ADAMTS12: variants seen among roughly 807,000 people sequenced by gnomAD.
The protein encoded by ADAMTS12 is ADAM metallopeptidase with thrombospondin type 1 motif 12.
A neutral mutation model predicts 167.8 loss-of-function variants in ADAMTS12; 118 were observed. The ratio of observed to expected loss-of-function variants is 0.70; its 90% CI spans 0.61 to 0.82. The LOEUF (loss-of-function observed/expected upper bound fraction) is 0.82. Ranked by LOEUF, ADAMTS12 falls within the 40% of genes least tolerant of loss-of-function variation. The probability of loss-of-function intolerance (pLI) is 0.00; values close to 1 mark genes in which losing one functional copy is unlikely to be tolerated. For missense variants in ADAMTS12, 1,916 were observed against 1,998.8 expected, an observed-to-expected ratio of 0.96 and a Z score of 0.79; for synonymous variants, 704 against 716.9, an observed-to-expected ratio of 0.98 and a Z score of 0.29.
intron 2 of ADAMTS12, among the ~76,000 whole-genome samples, chr5:33,872,776 T>C (rs912005002): frequency 6.6e-6 from 1 of 152,182 alleles, no homozygotes; most frequent in African/African-American, 2.4e-5. Context: ...ATCCCAGGTA[T>C]TCAAGGCTAG....
At chr5:33,735,686 A>G (rs115870724) in intron 3 of ADAMTS12, among the ~76,000 whole-genome samples, 1,690 of 152,196 alleles carry the variant, frequency 0.011, 31 homozygotes, top group African/African-American at 0.039. Flanking sequence ...CAGCTACCTA[A>G]TGGCCTAATC....
Position 33,857,592 on chromosome 5 carries a change from GAAA to G in ADAMTS12, c.489+23524_489+23526del, listed in dbSNP as rs201706985. ...ATTATACATCAGTAAGGCTGGAAAA[GAAA>G]AAAAACTGAAGCTCCAAAGCAAAGG... On this transcript the variant is annotated intron_variant, in intron 2 of 23. Coordinates refer to ENST00000504830, the MANE Select transcript of ADAMTS12 (RefSeq NM_030955.4). 4.5e-3 allele frequency among the ~76,000 whole-genome samples: 688 copies of G among 151,802 alleles called. 5 individuals are homozygous for G. Among genetic ancestry groups the G allele is most frequent in the African/African-American group, 0.016 (660 of 41,412 alleles).
At chr5:33,563,035 AAAGAG>A (rs1184408949) in intron 19 of ADAMTS12, among the ~76,000 whole-genome samples, 1 of 152,222 alleles carries the variant, frequency 6.6e-6, no homozygotes, top group African/African-American at 2.4e-5. Flanking sequence ...TAGATCACAG[AAAGAG>A]AAAAGTAGAA....
intron 3 of ADAMTS12, among the ~76,000 whole-genome samples, chr5:33,699,447 G>T (rs957620176): frequency 6.6e-6 from 1 of 151,702 alleles, no homozygotes; most frequent in African/African-American, 2.4e-5. Context: ...ACCATAAAAC[G>T]TAAAATTATA....
chr5:33,689,367 ATC>A (rs1742466240), intron 3 of ADAMTS12, among the ~76,000 whole-genome samples: 1 of 136,366 alleles, frequency 7.3e-6, no homozygotes, highest in Admixed American at 7.3e-5. Context: ...TTCTGGGATC[ATC>A]TGCCTAATAA....
chr5:33,884,414 G>A (rs536793324), intron 1 of ADAMTS12, among the ~76,000 whole-genome samples: 18 of 152,286 alleles, frequency 1.2e-4, no homozygotes, highest in African/African-American at 2.9e-4. Context: ...TCCTGGCCGT[G>A]CTTTTGGTCA....
chr5:33,731,398 A>G (rs11948306), intron 3 of ADAMTS12, among the ~76,000 whole-genome samples: 78,025 of 152,060 alleles, frequency 0.51, 22,569 homozygotes, highest in Non-Finnish European at 0.66. Flanking sequence ...GACGACAGCC[A>G]TGTACACAGC....
intron 22 of ADAMTS12, among the ~76,000 whole-genome samples, chr5:33,536,735 C>T (rs376904528): frequency 1.3e-5 from 2 of 152,188 alleles, no homozygotes; most frequent in African/African-American, 4.8e-5. Context: ...CCCAAGTCCA[C>T]CCCCGATAGA....
At chr5:33,676,707 C>CACAGAGAGAG (rs879440613) in intron 5 of ADAMTS12, among the ~76,000 whole-genome samples, 111 of 149,114 alleles carry the variant, frequency 7.4e-4, no homozygotes, top group African/African-American at 2.7e-3. Context: ...CACACACACA[C>CACAGAGAGAG]AGAGAGAGAG....
At chr5:33,615,427 C>T (rs1738954650) in intron 15 of ADAMTS12, among the ~76,000 whole-genome samples, 1 of 152,168 alleles carries the variant, frequency 6.6e-6, no homozygotes, top group African/African-American at 2.4e-5. Flanking sequence ...ATTCTAACTC[C>T]TCCTTCCAGC....
intron 2 of ADAMTS12, among the ~76,000 whole-genome samples, chr5:33,783,572 A>G (rs1746221081): frequency 6.6e-6 from 1 of 151,928 alleles, no homozygotes; most frequent in Non-Finnish European, 1.5e-5. Context: ...AGAAATTAAA[A>G]GAATTATAAG....
chr5:33,713,141 T>G (rs1743464660), intron 3 of ADAMTS12, among the ~76,000 whole-genome samples: 1 of 152,158 alleles, frequency 6.6e-6, no homozygotes, highest in Non-Finnish European at 1.5e-5. Context: ...TTCTTAGAGT[T>G]TGGTTCATAA....
intron 18 of ADAMTS12, among the ~76,000 whole-genome samples, chr5:33,585,059 A>ATCCATCCATCCATCCATCCATCCC (rs1747273188): frequency 1.3e-5 from 2 of 152,002 alleles, no homozygotes; most frequent in Non-Finnish European, 1.5e-5. Flanking sequence ...CCATCCATCC[A>ATCCATCCATCCATCCATCCATCCC]TCCATCCATC....
rs1280889982 is a variant in ADAMTS12, at chr5:33,549,355, T to C, written c.4154A>G (p.Lys1385Arg). The change falls in exon 21 of 24, where the codon AAG becomes AGG. Residue 1385 changes from lysine to arginine, a missense_variant. Transcript: ENST00000504830. Reference protein sequence around the residue: ...KCSRNCSGGFKIREIQCVDSR... With the variant: ...KCSRNCSGGFRIREIQCVDSR... ...GTCCACGCACTGAATCTCGCGTATC[T>C]TGAAGCCCCCACTGCAGTTTCTGGA... 1 of 1,613,986 alleles carries C rather than the reference T, an allele frequency of 6.2e-7. No homozygotes were observed. The highest frequency in any genetic ancestry group is 1.7e-5 in the Admixed American group (1 of 60,028).
chr5:33,793,295 A>T (rs1345044350), intron 2 of ADAMTS12, among the ~76,000 whole-genome samples: 1 of 152,238 alleles, frequency 6.6e-6, no homozygotes. Context: ...AACACTTAAA[A>T]TCATGGGTGA....
intron 2 of ADAMTS12, among the ~76,000 whole-genome samples, chr5:33,755,015 A>G (rs974698393): frequency 3.0e-4 from 46 of 152,334 alleles, no homozygotes; most frequent in African/African-American, 1.0e-3. Flanking sequence ...TTATAAAAAG[A>G]ACACCTAGAT....
At chr5:33,649,169 T>C (rs1740786011) in intron 8 of ADAMTS12, among the ~76,000 whole-genome samples, 2 of 152,212 alleles carry the variant, frequency 1.3e-5, no homozygotes, top group Admixed American at 1.3e-4. Flanking sequence ...GCTTAGTTTA[T>C]CTAGAAAATA....
intron 2 of ADAMTS12, among the ~76,000 whole-genome samples, chr5:33,845,331 G>C (rs1366479649): frequency 6.6e-6 from 1 of 152,132 alleles, no homozygotes; most frequent in African/African-American, 2.4e-5. Flanking sequence ...AATGACCCTA[G>C]AACATCTTAT....
intron 20 of ADAMTS12, among the ~76,000 whole-genome samples, chr5:33,560,196 A>G (rs1429426466): frequency 6.6e-6 from 1 of 152,230 alleles, no homozygotes; most frequent in Non-Finnish European, 1.5e-5. Flanking sequence ...GGTTAATAAA[A>G]ACTCTGTACT....
Sources: allele counts gnomAD v4.1 joint callset (sites outside exome capture counted in the v4.1 genomes callset), GRCh38; gene constraint gnomAD v4.1.1; transcripts MANE v1.5; gene names NCBI Gene and HGNC (gene_info 2026-07-23, HGNC 2026-07-21).